Variants in PHF1 observed in about 807,000 individuals in gnomAD.
PHF1 encodes the protein PHD finger protein 1.
A neutral mutation model predicts 69.4 loss-of-function variants in PHF1; 16 were observed. The observed-to-expected ratio is 0.23, with a 90% CI of 0.16 to 0.35. PHF1 has a LOEUF of 0.35. Ranked by LOEUF, PHF1 falls within the 10% of genes least tolerant of loss-of-function variation. The pLI is 1.00. For synonymous variants in PHF1, 274 were observed against 275.0 expected (o/e 1.00, Z 0.04); for missense variants, 515 against 732.8 (o/e 0.70, Z 3.43).
At chr6:33,410,589 G>A (rs1050792387), upstream of PHF1, 3 of 2,902 alleles carry the variant, frequency 1.0e-3, no homozygotes, top group African/African-American at 4.2e-3. Context: ...GGGCGCGCGA[G>A]GGAGGAGGGC....
Position 33,414,695 on chromosome 6 carries a change from G to A in PHF1, c.945-30G>A. On this transcript the variant is annotated intron_variant, in intron 10 of 14. Transcript: ENST00000374516. The surrounding 1 kb of genome is among the most constrained non-coding windows in gnomAD (Gnocchi z 5.0). ...AGGAGGAACCGTTTTTTACAGCACT[G>A]ACCCTATATCATTTCTCTTCTTGCC... 1 of 1,587,090 alleles carries A rather than the reference G, an allele frequency of 6.3e-7. No homozygotes were observed. Among genetic ancestry groups the A allele is most frequent in the Non-Finnish European group, 8.6e-7 (1 of 1,156,398 alleles).
rs973419326 is a variant in PHF1, at chr6:33,413,099, C to T, written c.338-97C>T. The T allele has an allele frequency of 4.6e-6, 5 of 1,094,936 alleles. No individual in the cohort carries two copies. In the African/African-American group the frequency reaches 7.7e-5, roughly 17 times the overall value. The allele number at this position is 1,094,936 out of a possible 1,614,324, so 67.8% of individuals were successfully genotyped here. On this transcript the variant is annotated intron_variant, in intron 4 of 14. Coordinates refer to ENST00000374516, the MANE Select transcript of PHF1 (RefSeq NM_024165.3). ...GGATAATGCACCCCCTCATCAAGAC[C>T]ATGGTCAGGGATTAAATGAGATGGG...
chr6:33,414,493 A>G lies in PHF1; in HGVS notation c.893A>G (p.Lys298Arg). 1 of 1,613,986 alleles carries G rather than the reference A, an allele frequency of 6.2e-7. No individual in the cohort carries two copies. Among genetic ancestry groups the G allele is most frequent in the Admixed American group, 1.7e-5 (1 of 60,004 alleles). ...TTCTCCCAGCTTTCAGACACCCCCA[A>G]AGGAGAACGTTCTTCCAGGCTCCTC... The part of the protein sequence containing the change: ...LLLGELSDTP[K>R]GERSSRLLSA... The change falls in exon 10 of 15, where the codon AAA (lysine) becomes AGA (arginine). Residue 298 changes from lysine to arginine, a missense_variant. This residue lies in a region of PHF1 where 142 missense variants were observed against 309.7 expected (regional missense o/e 0.46). Transcript: ENST00000374516. The surrounding 1 kb of genome is among the most constrained non-coding windows in gnomAD (Gnocchi z 5.0).
rs1477013484 is a variant in PHF1, at chr6:33,413,729, C to T, written c.588-7C>T. 63 of 1,610,928 alleles carry T rather than the reference C, an allele frequency of 3.9e-5. No homozygotes were observed. The highest frequency in any genetic ancestry group is 5.3e-5 in the Non-Finnish European group (63 of 1,177,952). On this transcript the variant is annotated splice_region_variant and splice_polypyrimidine_tract_variant and intron_variant, in intron 6 of 14. Transcript: ENST00000374516. ...CTGGAGGCCAGAAGTCCTGTGTTCC[C>T]CCTCAGGTGGAACCTGAAAATGCTG...
At chr6:33,410,570 G>GGGAGGGCGGGGCTGGCGCTAACAGCGAGT (rs1554300922), upstream of PHF1, 2 of 139,848 alleles carry the variant, frequency 1.4e-5, no homozygotes, top group African/African-American at 2.7e-5. Context: ...ACTCGTCACG[G>GGGAGGGCGGGGCTGGCGCTAACAGCGAGT]GGAGGGCGGG....
chr6:33,414,194 C>T lies in PHF1; in HGVS notation c.753-49C>T, dbSNP rs1431269326. On this transcript the variant is annotated intron_variant, in intron 8 of 14. Coordinates refer to ENST00000374516, the MANE Select transcript of PHF1 (RefSeq NM_024165.3). The surrounding 1 kb of genome is among the most constrained non-coding windows in gnomAD (Gnocchi z 5.0). ...GCCCCAACCTCCCACCTCAGGACTC[C>T]CCTGGCTCTTAAAATGCCTCTGTGG... 8.7e-6 allele frequency: 14 copies of T among 1,613,870 alleles called. No individual in the cohort carries two copies. The highest frequency in any genetic ancestry group is 1.3e-5 in the African/African-American group (1 of 74,890).
rs774683950 is a variant in PHF1 at position 33,415,067 on chromosome 6, G to A, written c.1162G>A (p.Gly388Arg). The A allele has an allele frequency of 1.2e-6, 2 of 1,610,108 alleles. No individual in the cohort carries two copies. Among genetic ancestry groups the A allele is most frequent in the South Asian group, 2.2e-5 (2 of 90,742 alleles). ...RRQKGKVEELGPPSAVRNQPE... is the reference protein window; with the variant it reads ...RRQKGKVEELRPPSAVRNQPE... ...GCAGAAGGGGAAAGTGGAGGAGCTGGGGCCACCCTCAGCAGTGCGCAATCA... is the reference window on the plus strand; with the variant it reads ...GCAGAAGGGGAAAGTGGAGGAGCTGAGGCCACCCTCAGCAGTGCGCAATCA... The change falls in exon 12 of 15, where the codon GGG becomes AGG. Residue 388 changes from glycine to arginine, a missense_variant. This residue lies in a region of PHF1 where 274 missense variants were observed against 304.5 expected (regional missense o/e 0.90). Transcript: ENST00000374516.
At position 33,415,081 on chromosome 6, in the gene PHF1, A is replaced by G. The variant is rs771282153; in HGVS notation, c.1176A>G (p.Ala392=). The G allele has an allele frequency of 1.2e-6, 2 of 1,612,672 alleles. No individual in the cohort carries two copies. The highest frequency in any genetic ancestry group is 2.2e-5 in the South Asian group (2 of 91,006). The change falls in exon 12 of 15, where the codon GCA becomes GCG. Residue 392 remains alanine, a synonymous_variant. Transcript: ENST00000374516. ...TGGAGGAGCTGGGGCCACCCTCAGCAGTGCGCAATCAGCCCGAGCCCCAGG... is the reference window on the plus strand; with the variant it reads ...TGGAGGAGCTGGGGCCACCCTCAGCGGTGCGCAATCAGCCCGAGCCCCAGG... ...GKVEELGPPS[A]VRNQPEPQEQ...
Position 33,412,325 on chromosome 6 carries a change from C to G in PHF1, c.62C>G (p.Pro21Arg). The change falls in exon 2 of 15, where the codon CCT (proline) becomes CGT (arginine). Residue 21 changes from proline (P) to arginine (R), a missense_variant. Around this residue, in one of 5 missense-constraint regions of PHF1, gnomAD observed 52 missense variants for 48.2 expected, o/e 1.08. Coordinates refer to ENST00000374516, the MANE Select transcript of PHF1 (RefSeq NM_024165.3). This position sits in a 1 kb window ranked among gnomAD's most constrained non-coding sequence, Gnocchi z 4.2. The stretch of plus-strand genomic sequence containing the variant: ...TCCTCACTTTGGGACCCAGCTTCTC[C>G]TGCTCCCACCTCTGGCCCCAGGCCT... ...GASSLWDPAS[P>R]APTSGPRPRL... is the part of the protein sequence containing the mutation. 1 of 1,614,234 alleles carries G rather than the reference C, an allele frequency of 6.2e-7. No homozygotes were observed. The highest frequency in any genetic ancestry group is 1.7e-4 in the Middle Eastern group (1 of 6,058).
chr6:33,416,404 G>A lies in PHF1; in HGVS notation c.*306G>A. 3.8e-6 allele frequency: 2 copies of A among 526,678 alleles called. No individual in the cohort carries two copies. The highest frequency in any genetic ancestry group is 6.4e-5 in the South Asian group (2 of 31,198). The allele number at this position is 526,678 out of a possible 1,614,324, so 32.6% of individuals were successfully genotyped here. A position where few individuals can be genotyped will look rare whatever the true frequency, so the allele number is the denominator to read the frequency against. On this transcript the variant is annotated 3_prime_UTR_variant, in exon 15 of 15. Coordinates refer to ENST00000374516, the MANE Select transcript of PHF1 (RefSeq NM_024165.3). ...GGAGGGAGGATGATAAGGGATCCCG[G>A]ACTCTGTATGATTGAAATAAAGAGA...
At chr6:33,410,996 C>T (rs1045331584), upstream of PHF1, 1 of 150,054 alleles carries the variant, frequency 6.7e-6, no homozygotes, top group Non-Finnish European at 1.5e-5. Context: ...CCTCCCCTCC[C>T]TCCCTCCCCC....
rs1776139157 is a variant in PHF1, at chr6:33,412,409, G to C, written c.146G>C (p.Gly49Ala). ...TGGACTGATGGGCTGCTATACTTGG[G>C]TACCATCAAAAAGGTAAGACCTTCT... ...ARWTDGLLYLGTIKKVDSARE... is the reference protein window; with the variant it reads ...ARWTDGLLYLATIKKVDSARE... Residue 49 changes from glycine to alanine, a missense_variant, in exon 2 of 15, where the codon GGT becomes GCT. Around this residue, in one of 5 missense-constraint regions of PHF1, gnomAD observed 22 missense variants for 48.9 expected, o/e 0.45. Transcript: ENST00000374516. The surrounding 1 kb of genome is among the most constrained non-coding windows in gnomAD (Gnocchi z 4.2). The C allele has an allele frequency of 1.9e-6, 3 of 1,614,066 alleles. No individual in the cohort carries two copies.
In PHF1 at chr6:33,415,159, G is replaced by C; in HGVS notation, c.1239+15G>C. ...GGGCACTGCAGGTACTGGAGCAGGG[G>C]GAACCCGATGGAGCAAATGGTGGGG... On this transcript the variant is annotated intron_variant, in intron 12 of 14. Transcript: ENST00000374516. 1 of 1,613,708 alleles carries C rather than the reference G, an allele frequency of 6.2e-7. No individual in the cohort carries two copies. Among genetic ancestry groups the C allele is most frequent in the South Asian group, 1.1e-5 (1 of 91,084 alleles).
intron 1 of PHF1, among the ~76,000 whole-genome samples, chr6:33,411,527 ACAT>A (rs1776061356): frequency 6.6e-6 from 1 of 152,128 alleles, no homozygotes; most frequent in Non-Finnish European, 1.5e-5. Flanking sequence ...GCTCTGGAAA[ACAT>A]CTCCAGAAAA....
chr6:33,412,227 C>A lies in PHF1; in HGVS notation c.-16-21C>A, dbSNP rs1776120820. The A allele has an allele frequency of 1.3e-6, 2 of 1,546,352 alleles. No homozygotes were observed. Among genetic ancestry groups the A allele is most frequent in the Admixed American group, 1.7e-5 (1 of 57,500 alleles). ...TTCTCAGCATTCATAACCTTCTCCT[C>A]CCCATTTCTTTTCTGGCTAGGCCCC... On this transcript the variant is annotated intron_variant, in intron 1 of 14. Coordinates refer to ENST00000374516, the MANE Select transcript of PHF1 (RefSeq NM_024165.3). The surrounding 1 kb of genome is among the most constrained non-coding windows in gnomAD (Gnocchi z 4.2).
upstream of PHF1, chr6:33,410,678 G>T (rs1775959130): frequency 1.4e-5 from 2 of 144,536 alleles, no homozygotes; most frequent in South Asian, 2.3e-4. Flanking sequence ...GAGTGACCAT[G>T]GGGGGTGGGG....
chr6:33,415,613 C>T lies in PHF1; in HGVS notation c.1358C>T (p.Ser453Phe), dbSNP rs1776411621. The T allele has an allele frequency of 6.2e-7, 1 of 1,613,950 alleles. No homozygotes were observed. The highest frequency in any genetic ancestry group is 8.5e-7 in the Non-Finnish European group (1 of 1,179,980). Residue 453 changes from serine to phenylalanine, a missense_variant, in exon 14 of 15, where the codon TCC (serine) becomes TTC (phenylalanine). Around this residue, in one of 5 missense-constraint regions of PHF1, gnomAD observed 274 missense variants for 304.5 expected, o/e 0.90. Transcript: ENST00000374516. ...LPSSPIRMFA[S>F]FHPSASTAGT... is the part of the protein sequence containing the mutation. ...AGCAGCCCCATCCGGATGTTTGCTT[C>T]CTTCCACCCTTCTGCCAGCACCGCA...
Position 33,415,012 on chromosome 6 carries a change from G to A in PHF1, c.1107G>A (p.Arg369=). 2 of 1,569,428 alleles carry A rather than the reference G, an allele frequency of 1.3e-6. No homozygotes were observed. The highest frequency in any genetic ancestry group is 1.7e-6 in the Non-Finnish European group (2 of 1,157,634). The change falls in exon 12 of 15, where the codon CGG becomes CGA. Residue 369 remains arginine, a synonymous_variant. Coordinates refer to ENST00000374516, the MANE Select transcript of PHF1 (RefSeq NM_024165.3). ...TCTCACGTCCCCTGGGGAAGCGCCG[G>A]AGGCCGGAGCCAGAGCCCCTGAGGA... ...GGVSRPLGKR[R]RPEPEPLRRR...
chr6:33,413,952 C>A, intron 7 of PHF1, 89 bp from the exon 8 acceptor site: 1 of 1,561,870 alleles, frequency 6.4e-7, no homozygotes, highest in Non-Finnish European at 8.8e-7. Flanking sequence ...GTTACCTCAC[C>A]TGTTTGCCCC....
Sources: gnomAD v4.1 joint callset for allele counts (sites outside exome capture counted in the v4.1 genomes callset) on GRCh38, gnomAD v4.1.1 for gene constraint, gnomAD v4.1.1 regional missense constraint, Gnocchi (gnomAD v3.1) non-coding constraint, MANE v1.5 for transcripts, NCBI Gene and HGNC (gene_info 2026-07-23, HGNC 2026-07-21) for gene names.